ZNF131: variants seen among roughly 807,000 people sequenced by gnomAD.
ZNF131 encodes the protein zinc finger protein 131.
In ZNF131, 7 loss-of-function variants were observed where a neutral mutation model predicts 60.0. That is an observed-to-expected ratio of 0.12 (90% confidence interval 0.07 to 0.22). The LOEUF is 0.22. ZNF131 is among the 10% of genes least tolerant of loss of function. The pLI, the probability that ZNF131 is intolerant of heterozygous loss-of-function variation, is 1.00. For synonymous variants in ZNF131, 257 were observed against 253.2 expected, an observed-to-expected ratio of 1.01 and a Z score of -0.14; for missense variants, 493 against 740.9, an observed-to-expected ratio of 0.67 and a Z score of 3.88.
chr5:43,153,161 A>G (rs768260012), intron 4 of ZNF131, among the ~76,000 whole-genome samples: 23 of 152,136 alleles, frequency 1.5e-4, no homozygotes, highest in Non-Finnish European at 3.1e-4. Context: ...AGTGAATTCA[A>G]TCAAGTGGTC....
chr5:43,144,851 C>A (rs1430457607), intron 4 of ZNF131, among the ~76,000 whole-genome samples: 2 of 151,462 alleles, frequency 1.3e-5, no homozygotes, highest in Non-Finnish European at 2.9e-5. Context: ...CTTGGAATGC[C>A]ATCTGTCTGC....
At chr5:43,159,986 C>G (rs1749447334) in intron 4 of ZNF131, among the ~76,000 whole-genome samples, 1 of 151,842 alleles carries the variant, frequency 6.6e-6, no homozygotes, top group African/African-American at 2.4e-5. Flanking sequence ...ACCATCCTGG[C>G]TAACACGGTG....
chr5:43,153,857 T>G (rs909194626), intron 4 of ZNF131, among the ~76,000 whole-genome samples: 2 of 152,222 alleles, frequency 1.3e-5, no homozygotes, highest in African/African-American at 4.8e-5. Flanking sequence ...GAAATCATTT[T>G]GAGTCATTGT....
At chr5:43,155,218 A>G (rs762286700) in intron 4 of ZNF131, among the ~76,000 whole-genome samples, 3 of 151,966 alleles carry the variant, frequency 2.0e-5, no homozygotes, top group African/African-American at 7.3e-5. Flanking sequence ...TAAGTATACC[A>G]TTTCTATTTG....
intron 4 of ZNF131, chr5:43,143,300 C>A: frequency 9.3e-7 from 1 of 1,078,214 alleles, no homozygotes; most frequent in Non-Finnish European, 1.2e-6. Flanking sequence ...GGATTACAAG[C>A]ACGAGTCACT....
chr5:43,121,181 G>C (rs115674662), intron 1 of ZNF131, 58 bp downstream of exon 1: 12,987 of 152,738 alleles, frequency 0.085, 692 homozygotes, highest in Non-Finnish European at 0.12. Flanking sequence ...CGGGGCGGGA[G>C]GGGCCGCGCA....
At chr5:43,169,947 C>T (rs567075190) in intron 5 of ZNF131, among the ~76,000 whole-genome samples, 32 of 152,112 alleles carry the variant, frequency 2.1e-4, no homozygotes, top group South Asian at 4.2e-4. Flanking sequence ...CCCGCCGCCA[C>T]GCCTGGCTAA....
At chr5:43,130,141 G>A (rs994651071) in intron 3 of ZNF131, among the ~76,000 whole-genome samples, 2 of 151,390 alleles carry the variant, frequency 1.3e-5, no homozygotes, top group Non-Finnish European at 3.0e-5. Context: ...GCGCGTGCCT[G>A]TAGTCCCAGC....
chr5:43,148,636 G>A (rs1247346499), intron 4 of ZNF131, among the ~76,000 whole-genome samples: 6 of 152,212 alleles, frequency 3.9e-5, no homozygotes, highest in Non-Finnish European at 8.8e-5. Context: ...TTAATAAAAC[G>A]TTGACATAAA....
chr5:43,161,612 AG>A lies in ZNF131; in HGVS notation c.737del (p.Gly246ValfsTer12), dbSNP rs1490111505. On this transcript the variant is annotated frameshift_variant, in exon 5 of 7. Transcript: ENST00000682664. LOFTEE classifies it high-confidence loss of function. Reference sequence around the variant, plus strand: ...CTGACCCCACGAGCAAACAGGTAGAAGGTATTGAAATTGTGGAACTTCAGCT... The same window carrying A: ...CTGACCCCACGAGCAAACAGGTAGAAGTATTGAAATTGTGGAACTTCAGCT... ...PSDPTSKQVE[G>X]IEIVELQLSH... 1.2e-5 allele frequency: 19 copies of A among 1,614,134 alleles called. No homozygotes were observed. The highest frequency in any genetic ancestry group is 1.6e-5 in the Non-Finnish European group (19 of 1,180,036).
At chr5:43,130,642 G>A (rs1251800577) in intron 3 of ZNF131, among the ~76,000 whole-genome samples, 7 of 152,004 alleles carry the variant, frequency 4.6e-5, no homozygotes, top group East Asian at 3.9e-4. Flanking sequence ...TCGGCTCACC[G>A]CAACCTCCGC....
At chr5:43,171,954 C>A (rs2112111858) in intron 5 of ZNF131, among the ~76,000 whole-genome samples, 1 of 152,290 alleles carries the variant, frequency 6.6e-6, no homozygotes, top group African/African-American at 2.4e-5. Context: ...TGGGGTCTCA[C>A]TATGTTGCCC....
chr5:43,125,684 G>T (rs1373153271), intron 3 of ZNF131, among the ~76,000 whole-genome samples: 1 of 151,932 alleles, frequency 6.6e-6, no homozygotes, highest in African/African-American at 2.4e-5. Context: ...GGAAGGCCGA[G>T]GCAGGAGAAT....
chr5:43,128,066 C>T (rs77669278), intron 3 of ZNF131, among the ~76,000 whole-genome samples: 8,100 of 152,230 alleles, frequency 0.053, 320 homozygotes, highest in South Asian at 0.13. Context: ...CAATGCTGCT[C>T]CCTTTTACTC....
intron 5 of ZNF131, among the ~76,000 whole-genome samples, chr5:43,170,619 C>T (rs991661329): frequency 7.3e-5 from 11 of 150,428 alleles, no homozygotes; most frequent in African/African-American, 2.4e-4. Flanking sequence ...CCTGTAACAG[C>T]ATTCATCTTT....
intron 4 of ZNF131, among the ~76,000 whole-genome samples, chr5:43,150,846 A>G (rs1748215710): frequency 6.6e-6 from 1 of 152,212 alleles, no homozygotes; most frequent in African/African-American, 2.4e-5. Flanking sequence ...GATTTATTTA[A>G]GGATTTATTG....
chr5:43,166,686 C>A (rs572236911), intron 5 of ZNF131, among the ~76,000 whole-genome samples: 1 of 140,718 alleles, frequency 7.1e-6, no homozygotes, highest in East Asian at 2.1e-4. Context: ...CACGGGGTCT[C>A]GCTCTGTCGC....
intron 3 of ZNF131, among the ~76,000 whole-genome samples, chr5:43,129,925 G>A (rs1015162063): frequency 2.0e-5 from 3 of 151,762 alleles, no homozygotes; most frequent in Non-Finnish European, 4.4e-5. Context: ...CAAAGTGCTG[G>A]GATTAGAGGC....
At chr5:43,153,310 G>C (rs1748548532) in intron 4 of ZNF131, among the ~76,000 whole-genome samples, 1 of 151,816 alleles carries the variant, frequency 6.6e-6, no homozygotes, top group African/African-American at 2.4e-5. Context: ...TTATTGTTGG[G>C]GGAAAAGAAA....
Sources: gnomAD v4.1 joint callset for allele counts (sites outside exome capture counted in the v4.1 genomes callset) on GRCh38, gnomAD v4.1.1 for gene constraint, MANE v1.5 for transcripts, NCBI Gene and HGNC (gene_info 2026-07-23, HGNC 2026-07-21) for gene names.